CASZ1: variants seen among roughly 807,000 people sequenced by gnomAD.
CASZ1 encodes castor zinc finger 1, also known as zinc finger protein castor homolog 1.
CASZ1 carries 28 observed loss-of-function variants against 135.2 expected under a neutral mutation model. That is an observed-to-expected ratio of 0.21 (90% CI 0.15 to 0.28). The LOEUF is 0.28. Ranked by LOEUF, CASZ1 falls within the 10% of genes least tolerant of loss-of-function variation. The pLI is 1.00. For missense variants in CASZ1, 2,161 were observed against 2,453.3 expected (o/e 0.88, Z 2.52); for synonymous variants, 1,068 against 1,073.4 (o/e 0.99, Z 0.10).
Position 10,639,063 on chromosome 1 carries a change from T to C in CASZ1, c.5159A>G (p.Glu1720Gly). ...DDDEDLRTDS[E>G]ESLPEAAAEA... ...CGCCGCCGCCTCGGGCAGCGACTCCTCCGAGTCGGTGCGCAGGTCCTCGTC... is the reference window on the plus strand; with the variant it reads ...CGCCGCCGCCTCGGGCAGCGACTCCCCCGAGTCGGTGCGCAGGTCCTCGTC... Residue 1720 changes from glutamate to glycine, a missense_variant, in exon 21 of 21, where the codon GAG becomes GGG. Around this residue, in one of 7 missense-constraint regions of CASZ1, gnomAD observed 185 missense variants for 134.7 expected, o/e 1.37. Transcript: ENST00000377022. This position sits in a 1 kb window ranked among gnomAD's most constrained non-coding sequence, Gnocchi z 4.0. 2 of 1,114,674 alleles carry C rather than the reference T, an allele frequency of 1.8e-6. No homozygotes were observed. Among genetic ancestry groups the C allele is most frequent in the Non-Finnish European group, 2.2e-6 (2 of 892,664 alleles). 69.0% of individuals were successfully genotyped at this position (1,114,674 alleles called of 1,614,324 possible).
intron 2 of CASZ1, among the ~76,000 whole-genome samples, chr1:10,744,410 T>C (rs113245805): frequency 0.015 from 1,356 of 92,642 alleles, 43 homozygotes; most frequent in African/African-American, 0.059. Flanking sequence ...CGAGCAGGCA[T>C]GTCCTGGGCA....
chr1:10,728,819 G>A (rs563846184), intron 2 of CASZ1, among the ~76,000 whole-genome samples: 35 of 152,174 alleles, frequency 2.3e-4, no homozygotes, highest in South Asian at 1.0e-3. Flanking sequence ...GGAGTGCCTG[G>A]CCGGCGCTTG....
At chr1:10,748,338 T>G (rs548516870) in intron 2 of CASZ1, among the ~76,000 whole-genome samples, 18 of 152,188 alleles carry the variant, frequency 1.2e-4, no homozygotes, top group African/African-American at 3.9e-4. Context: ...CCCATTTCCT[T>G]TCCCGTTTCT....
rs148259749 is a variant in CASZ1, at chr1:10,781,522, C to T, written c.-234+15042G>A. 2.6e-3 allele frequency among the ~76,000 whole-genome samples: 398 copies of T among 152,360 alleles called. 1 individual carries two copies. The highest frequency in any genetic ancestry group is 4.0e-3 in the Non-Finnish European group (272 of 68,040). On this transcript the variant is annotated intron_variant, in intron 1 of 20. Coordinates refer to ENST00000377022, the MANE Select transcript of CASZ1 (RefSeq NM_001079843.3). ...TCAGCCCTGGGCATTGCAAGCCTTT[C>T]CCTGCTCCCTCGAGGGCTCTGTACT...
chr1:10,780,661 C>A (rs1346349959), intron 1 of CASZ1, among the ~76,000 whole-genome samples: 2 of 152,162 alleles, frequency 1.3e-5, no homozygotes, highest in African/African-American at 4.8e-5. Flanking sequence ...GTTAGGGGTG[C>A]ATTTTTTTCC....
intron 1 of CASZ1, among the ~76,000 whole-genome samples, chr1:10,765,305 C>A (rs1191448712): frequency 6.6e-6 from 1 of 151,452 alleles, no homozygotes; most frequent in Non-Finnish European, 1.5e-5. Context: ...GGACAGAGCG[C>A]TAATGAGCAG....
chr1:10,677,162 G>T (rs952030318), intron 4 of CASZ1, among the ~76,000 whole-genome samples: 10 of 152,226 alleles, frequency 6.6e-5, no homozygotes, highest in African/African-American at 1.9e-4. Context: ...GAGGGGGCAG[G>T]TGATGCCTCC....
intron 2 of CASZ1, among the ~76,000 whole-genome samples, chr1:10,746,307 G>C (rs927352238): frequency 6.6e-6 from 1 of 152,138 alleles, no homozygotes; most frequent in African/African-American, 2.4e-5. Context: ...CTGAGAACTC[G>C]GCCAAAAAGA....
chr1:10,687,174 C>T (rs1257091651), intron 4 of CASZ1, among the ~76,000 whole-genome samples: 5 of 152,214 alleles, frequency 3.3e-5, no homozygotes, highest in African/African-American at 7.2e-5. Context: ...TCTCACACAG[C>T]GCAGTCCCTC....
intron 2 of CASZ1, among the ~76,000 whole-genome samples, chr1:10,748,140 C>T (rs764993072): frequency 2.0e-5 from 3 of 152,096 alleles, no homozygotes. Context: ...TTCAAAGGCT[C>T]CCTGCATCCA....
intron 4 of CASZ1, among the ~76,000 whole-genome samples, chr1:10,675,396 T>C (rs1369520556): frequency 6.7e-6 from 1 of 149,522 alleles, no homozygotes; most frequent in Admixed American, 6.6e-5. Flanking sequence ...CGGGAAGGAA[T>C]GGGGGTCCTG....
intron 1 of CASZ1, among the ~76,000 whole-genome samples, chr1:10,778,688 C>T (rs966062188): frequency 6.6e-6 from 1 of 152,228 alleles, no homozygotes; most frequent in East Asian, 1.9e-4. Context: ...CCCATCCAAA[C>T]TGTTCCCAGG....
At chr1:10,669,833 G>A (rs2100312223) in intron 4 of CASZ1, among the ~76,000 whole-genome samples, 1 of 152,294 alleles carries the variant, frequency 6.6e-6, no homozygotes, top group Admixed American at 6.5e-5. Context: ...TGAGTAATGT[G>A]TTCTGGGGCC....
In CASZ1 at chr1:10,719,079, A is replaced by AT. The variant is rs994612800; in HGVS notation, c.-76-13536dup. On this transcript the variant is annotated intron_variant, in intron 2 of 20. Coordinates refer to ENST00000377022, the MANE Select transcript of CASZ1 (RefSeq NM_001079843.3). This position sits in a 1 kb window ranked among gnomAD's most constrained non-coding sequence, Gnocchi z 4.0. ...AGGCACTCGCCACCACACCTGGCTA[A>AT]TTTTTTTTTTACTTTTAGTGGAGGT... Among the ~76,000 whole-genome samples the AT allele has an allele frequency of 5.7e-4, 85 of 149,654 alleles. No homozygotes were observed. The highest frequency in any genetic ancestry group is 3.4e-3 in the Middle Eastern group (1 of 290).
intron 2 of CASZ1, among the ~76,000 whole-genome samples, chr1:10,729,436 C>T (rs1475012935): frequency 6.6e-6 from 1 of 152,130 alleles, no homozygotes; most frequent in Non-Finnish European, 1.5e-5. Flanking sequence ...ATCTTTCCCA[C>T]CGCAGCTCCT....
Position 10,694,256 on chromosome 1 carries a change from C to A in CASZ1, c.-23-344G>T. On this transcript the variant is annotated intron_variant, in intron 3 of 20. Coordinates refer to ENST00000377022, the MANE Select transcript of CASZ1 (RefSeq NM_001079843.3). This position sits in a 1 kb window ranked among gnomAD's most constrained non-coding sequence, Gnocchi z 6.6. ...CCCGCGCCCGGGTCGCCGCCCGAGA[C>A]CGCGGCCCCCGGGCCTCCCCCGCCC... 1.0e-6 allele frequency: 1 copy of A among 952,884 alleles called. No homozygotes were observed. Among genetic ancestry groups the A allele is most frequent in the South Asian group, 3.8e-5 (1 of 26,064 alleles). The allele number at this position is 952,884 out of a possible 1,614,324, so 59.0% of individuals were successfully genotyped here.
intron 4 of CASZ1, among the ~76,000 whole-genome samples, chr1:10,669,808 G>A (rs1643348910): frequency 1.3e-5 from 2 of 152,108 alleles, no homozygotes; most frequent in African/African-American, 4.8e-5. Context: ...AGGCCTGGCA[G>A]CCCCTCCCCA....
At chr1:10,663,833 CG>C (rs1643134216) in intron 5 of CASZ1, among the ~76,000 whole-genome samples, 1 of 152,206 alleles carries the variant, frequency 6.6e-6, no homozygotes, top group Admixed American at 6.5e-5. Context: ...GTTCCAGGCC[CG>C]CCTCTGCCAG....
intron 2 of CASZ1, among the ~76,000 whole-genome samples, chr1:10,730,003 T>C (rs1265186629): frequency 6.6e-6 from 1 of 152,102 alleles, no homozygotes; most frequent in East Asian, 1.9e-4. Flanking sequence ...TTAGTAGAGA[T>C]GGGGTTTCAC....
Sources: gnomAD v4.1 joint callset for allele counts (sites outside exome capture counted in the v4.1 genomes callset) on GRCh38, gnomAD v4.1.1 for gene constraint, gnomAD v4.1.1 regional missense constraint, Gnocchi (gnomAD v3.1) non-coding constraint, MANE v1.5 for transcripts, NCBI Gene and HGNC (gene_info 2026-07-23, HGNC 2026-07-21) for gene names.